Variants in KANSL1L observed in about 807,000 individuals in gnomAD.
KANSL1L encodes the protein KAT8 regulatory NSL complex subunit 1-like protein.
In KANSL1L, 25 loss-of-function variants were observed where a neutral mutation model predicts 108.6. That is an observed-to-expected ratio of 0.23 (90% CI 0.17 to 0.32). The LOEUF (loss-of-function observed/expected upper bound fraction) is 0.32. Ranked by LOEUF, KANSL1L falls within the 10% of genes least tolerant of loss-of-function variation. The pLI, the probability that KANSL1L is intolerant of heterozygous loss-of-function variation, is 1.00. For missense variants in KANSL1L, 1,137 were observed against 1,125.7 expected, an observed-to-expected ratio of 1.01 and a Z score of -0.14; for synonymous variants, 405 against 395.1, an observed-to-expected ratio of 1.03 and a Z score of -0.30.
intron 6 of KANSL1L, among the ~76,000 whole-genome samples, chr2:210,048,800 T>C (rs1436021048): frequency 6.6e-6 from 1 of 152,150 alleles, no homozygotes; most frequent in African/African-American, 2.4e-5. Flanking sequence ...GAAGCTTCTG[T>C]TGAGAGTTTA....
intron 4 of KANSL1L, among the ~76,000 whole-genome samples, chr2:210,103,118 C>T (rs1203044628): frequency 1.3e-5 from 2 of 152,054 alleles, no homozygotes; most frequent in Non-Finnish European, 2.9e-5. Context: ...ATATATACAC[C>T]ATGGAATACT....
At chr2:210,141,324 T>C (rs1217658799) in intron 2 of KANSL1L, among the ~76,000 whole-genome samples, 1 of 152,116 alleles carries the variant, frequency 6.6e-6, no homozygotes, top group Non-Finnish European at 1.5e-5. Context: ...GAACACTGTG[T>C]CCTCAAAATT....
rs1688325463 is a variant in KANSL1L at position 210,171,313 on chromosome 2, C to CGCG, written c.-195_-194insCGC. Reference sequence around the variant, plus strand: ...CCGCCCCGGCCGCCGCCGCCGCCGCCGCCGCCGCCGCCGCCGCCGCCGCCG... The same window carrying CGCG: ...CCGCCCCGGCCGCCGCCGCCGCCGCCGCGGCCGCCGCCGCCGCCGCCGCCGCCG... On this transcript the variant is annotated 5_prime_UTR_variant, in exon 1 of 15. Coordinates refer to ENST00000281772, the MANE Select transcript of KANSL1L (RefSeq NM_152519.4). 1 of 130,914 alleles carries CGCG rather than the reference C, an allele frequency of 7.6e-6. No individual in the cohort carries two copies. The highest frequency in any genetic ancestry group is 1.6e-5 in the Non-Finnish European group (1 of 64,480). 8.1% of individuals were successfully genotyped at this position (130,914 alleles called of 1,614,324 possible).
intron 12 of KANSL1L, among the ~76,000 whole-genome samples, chr2:210,026,612 G>A (rs2093940472): frequency 6.6e-6 from 1 of 152,096 alleles, no homozygotes; most frequent in African/African-American, 2.4e-5. Context: ...CTAAACCGAA[G>A]AGCAAATTGG....
In KANSL1L at chr2:210,039,604, A is replaced by G. The variant is rs931209048; in HGVS notation, c.2029+816T>C. ...TGATGTTTAGATTTTAACTTTGTAG[A>G]TAATCAAAATATGTTGTTTTCTTTC... On this transcript the variant is annotated intron_variant, in intron 8 of 14. Transcript: ENST00000281772. 5.3e-5 allele frequency among the ~76,000 whole-genome samples: 8 copies of G among 151,994 alleles called. No homozygotes were observed. In the East Asian group the frequency reaches 1.4e-3, roughly 26 times the overall value.
intron 5 of KANSL1L, chr2:210,079,700 G>GTA (rs796956187): frequency 0.062 from 4,657 of 75,426 alleles, 431 homozygotes; most frequent in African/African-American, 0.14. Flanking sequence ...ATGTATGTGT[G>GTA]TATATATATA....
chr2:210,079,674 GTATATATATATATATA>G (rs1208859670), intron 5 of KANSL1L: 2 of 15,864 alleles, frequency 1.3e-4, no homozygotes, highest in Non-Finnish European at 1.2e-4. Flanking sequence ...ATGTATGTGT[GTATATATATATATATA>G]TGTATGTGTG....
rs770065381 is a variant in KANSL1L, at chr2:210,153,868, T to C, written c.715A>G (p.Arg239Gly). The C allele has an allele frequency of 2.5e-6, 4 of 1,612,740 alleles. No homozygotes were observed. The highest frequency in any genetic ancestry group is 3.4e-6 in the Non-Finnish European group (4 of 1,179,712). Residue 239 changes from arginine to glycine, a missense_variant, in exon 2 of 15, where the codon AGA (arginine) becomes GGA (glycine). Coordinates refer to ENST00000281772, the MANE Select transcript of KANSL1L (RefSeq NM_152519.4). ...ATCTGCAAATGTTTCTGAGTTCTTC[T>C]AGCCTGGCTAAGTAAAATTTTCTGT... ...SKQKILLSQARRTQKHLQMLL... is the reference protein window; with the variant it reads ...SKQKILLSQAGRTQKHLQMLL...
intron 8 of KANSL1L, among the ~76,000 whole-genome samples, chr2:210,033,503 A>G (rs188209321): frequency 1.6e-4 from 25 of 152,234 alleles, no homozygotes; most frequent in African/African-American, 4.8e-4. Flanking sequence ...GAAAACATCA[A>G]ATTTTGTGAA....
Position 210,154,559 on chromosome 2 carries a change from T to A in KANSL1L, c.24A>T (p.Ala8=). The change falls in exon 2 of 15, where the codon GCA becomes GCT. Residue 8 remains alanine (A), a synonymous_variant. Coordinates refer to ENST00000281772, the MANE Select transcript of KANSL1L (RefSeq NM_152519.4). MTPALRE[A]TAKGISFSSL... is the part of the protein sequence containing the mutation. ...ATGAAAAGCTGATACCCTTTGCTGT[T>A]GCCTCCCTCAGAGCTGGGGTCATGG... 5 of 1,540,260 alleles carry A rather than the reference T, an allele frequency of 3.2e-6. No homozygotes were observed. Among genetic ancestry groups the A allele is most frequent in the Non-Finnish European group, 4.4e-6 (5 of 1,143,588 alleles).
At chr2:210,077,579 A>AGGATCCAGGAAGTTAGGAGT (rs1332849730) in intron 5 of KANSL1L, among the ~76,000 whole-genome samples, 1 of 152,152 alleles carries the variant, frequency 6.6e-6, no homozygotes, top group Non-Finnish European at 1.5e-5. Context: ...CAGGAGATGT[A>AGGATCCAGGAAGTTAGGAGT]GGATCCAGGA....
At chr2:210,107,824 T>A (rs2094865273) in intron 3 of KANSL1L, among the ~76,000 whole-genome samples, 1 of 152,100 alleles carries the variant, frequency 6.6e-6, no homozygotes, top group South Asian at 2.1e-4. Flanking sequence ...TGAGCCACCA[T>A]GCCTGGCCTT....
At chr2:210,094,054 G>T (rs991296475) in intron 5 of KANSL1L, among the ~76,000 whole-genome samples, 1 of 152,146 alleles carries the variant, frequency 6.6e-6, no homozygotes, top group Non-Finnish European at 1.5e-5. Flanking sequence ...GGAGCTGAAA[G>T]CAAGGAAGAA....
intron 1 of KANSL1L, among the ~76,000 whole-genome samples, chr2:210,168,044 T>C (rs961822861): frequency 2.6e-5 from 4 of 152,086 alleles, no homozygotes; most frequent in African/African-American, 9.7e-5. Flanking sequence ...CTAAAAGTAA[T>C]GTAAGATTGT....
At chr2:210,087,097 C>T (rs1541542) in intron 5 of KANSL1L, among the ~76,000 whole-genome samples, 142,823 of 151,400 alleles carry the variant, frequency 0.94, 67,921 homozygotes, top group East Asian at 1. Flanking sequence ...GGCATGGTCA[C>T]GGCTCACTGC....
At chr2:210,045,046 A>G (rs1439593444) in intron 6 of KANSL1L, among the ~76,000 whole-genome samples, 1 of 152,166 alleles carries the variant, frequency 6.6e-6, no homozygotes, top group South Asian at 2.1e-4. Flanking sequence ...CTGGGATTAC[A>G]GGTGTGAGTC....
intron 1 of KANSL1L, among the ~76,000 whole-genome samples, chr2:210,161,182 T>C (rs1229646560): frequency 6.6e-6 from 1 of 151,982 alleles, no homozygotes; most frequent in Non-Finnish European, 1.5e-5. Flanking sequence ...GAGATGGGGT[T>C]TCACCATGTT....
At chr2:210,166,751 TTAAA>T (rs1156654684) in intron 1 of KANSL1L, among the ~76,000 whole-genome samples, 2 of 152,182 alleles carry the variant, frequency 1.3e-5, no homozygotes, top group African/African-American at 2.4e-5. Flanking sequence ...TACTTGATGC[TTAAA>T]TAAAGTGAAA....
chr2:210,063,363 C>T (rs567599852), intron 6 of KANSL1L, among the ~76,000 whole-genome samples: 2 of 152,202 alleles, frequency 1.3e-5, no homozygotes, highest in African/African-American at 2.4e-5. Flanking sequence ...GTCAGAGCCC[C>T]CACAAACAGC....
Sources: gnomAD v4.1 joint callset for allele counts (sites outside exome capture counted in the v4.1 genomes callset) on GRCh38, gnomAD v4.1.1 for gene constraint, MANE v1.5 for transcripts, NCBI Gene and HGNC (gene_info 2026-07-23, HGNC 2026-07-21) for gene names.